SEPTIN11: variants seen among roughly 807,000 people sequenced by gnomAD.
SEPTIN11 encodes the protein septin 11.
SEPTIN11 carries 25 observed loss-of-function variants against 51.4 expected under a neutral mutation model. That is an observed-to-expected ratio of 0.49 (90% CI 0.35 to 0.68). The LOEUF (loss-of-function observed/expected upper bound fraction) is 0.68. SEPTIN11 is among the 30% of genes least tolerant of loss of function. SEPTIN11 has a pLI of 0.00. For synonymous variants in SEPTIN11, 174 were observed against 184.1 expected, an observed-to-expected ratio of 0.95 and a Z score of 0.44; for missense variants, 381 against 520.8, an observed-to-expected ratio of 0.73 and a Z score of 2.61.
chr4:76,954,651 C>T (rs1656675965), intron 1 of SEPTIN11, among the ~76,000 whole-genome samples: 2 of 152,218 alleles, frequency 1.3e-5, no homozygotes, highest in African/African-American at 2.4e-5. Context: ...ATGAAATTCA[C>T]ATTGTTCCAG....
At chr4:77,022,610 G>C (rs1298412292) in intron 7 of SEPTIN11, among the ~76,000 whole-genome samples, 1 of 152,180 alleles carries the variant, frequency 6.6e-6, no homozygotes, top group African/African-American at 2.4e-5. Context: ...TGGGGGGCCA[G>C]ATTTGGTCCT....
At chr4:76,995,968 A>T in intron 1 of SEPTIN11, 1 of 1,530,680 alleles carries the variant, frequency 6.5e-7, no homozygotes, top group African/African-American at 1.4e-5. Context: ...CATTGTAAGG[A>T]GTATGAATCC....
chr4:77,039,076 C>A (rs1343512668), downstream of SEPTIN11: 1 of 1,288,884 alleles, frequency 7.8e-7, no homozygotes, highest in East Asian at 5.6e-5. Flanking sequence ...TCTGTAGCTT[C>A]TTCTTTATGT....
chr4:77,023,498 C>T (rs1360399357), intron 7 of SEPTIN11, among the ~76,000 whole-genome samples: 3 of 151,818 alleles, frequency 2.0e-5, no homozygotes, highest in Non-Finnish European at 2.9e-5. Flanking sequence ...TCCAACATCT[C>T]GATAACTGGA....
rs191849229 is a variant in SEPTIN11 at position 77,005,299 on chromosome 4, A to G, written c.143-302A>G. Among the ~76,000 whole-genome samples the G allele has an allele frequency of 3.9e-5, 6 of 152,374 alleles. No individual in the cohort carries two copies. In the East Asian group the frequency reaches 1.2e-3, roughly 29 times the overall value. ...AAGTTCATGTTCTTGTTCTTGTAATATACAAACTGAGCACAGGCAATCTTA... is the reference window on the plus strand; with the variant it reads ...AAGTTCATGTTCTTGTTCTTGTAATGTACAAACTGAGCACAGGCAATCTTA... On this transcript the variant is annotated intron_variant, in intron 2 of 9. Transcript: ENST00000264893.
intron 3 of SEPTIN11, 36 bp downstream of exon 3, chr4:77,005,832 G>A (rs1724444265): frequency 7.6e-6 from 12 of 1,577,036 alleles, no homozygotes; most frequent in African/African-American, 1.4e-5. Context: ...ATGAATGGAT[G>A]AGGAGATAGC....
chr4:77,020,425 T>A, intron 6 of SEPTIN11, 77 bp from the exon 7 acceptor site: 1 of 1,533,988 alleles, frequency 6.5e-7, no homozygotes, highest in Non-Finnish European at 8.9e-7. Flanking sequence ...GGTAATAACA[T>A]CTTGGAAGCA....
intron 1 of SEPTIN11, among the ~76,000 whole-genome samples, chr4:76,963,676 A>G (rs1377674084): frequency 6.6e-6 from 1 of 152,228 alleles, no homozygotes; most frequent in Non-Finnish European, 1.5e-5. Flanking sequence ...GTTTAATTTT[A>G]ATTAATTTAC....
intron 7 of SEPTIN11, among the ~76,000 whole-genome samples, chr4:77,026,754 G>A (rs1726175244): frequency 6.6e-6 from 1 of 152,184 alleles, no homozygotes; most frequent in Non-Finnish European, 1.5e-5. Flanking sequence ...TGAGTTTTCT[G>A]TAAAATTTCA....
At chr4:76,972,521 A>G (rs904042) in intron 1 of SEPTIN11, 131,714 of 152,136 alleles carry the variant, frequency 0.87, 57,257 homozygotes, top group East Asian at 0.94. Context: ...AAGGAAGAGC[A>G]CTCAGGAATC....
intron 2 of SEPTIN11, 78 bp downstream of exon 2, chr4:76,996,617 G>A: frequency 9.7e-7 from 1 of 1,028,512 alleles, no homozygotes; most frequent in Non-Finnish European, 1.5e-6. Context: ...ACATGCTTCA[G>A]TGAAATAAGA....
chr4:76,961,226 C>T (rs1055608995), intron 1 of SEPTIN11, among the ~76,000 whole-genome samples: 4 of 152,122 alleles, frequency 2.6e-5, no homozygotes, highest in African/African-American at 7.2e-5. Flanking sequence ...TAATGTAATT[C>T]GAGGACCCTT....
At chr4:76,966,715 T>C (rs1722050046) in intron 1 of SEPTIN11, among the ~76,000 whole-genome samples, 1 of 150,990 alleles carries the variant, frequency 6.6e-6, no homozygotes, top group Non-Finnish European at 1.5e-5. Context: ...ATACAAGAAT[T>C]AGCTGGGAGG....
chr4:77,005,384 C>T (rs1306731053), intron 2 of SEPTIN11, among the ~76,000 whole-genome samples: 1 of 152,194 alleles, frequency 6.6e-6, no homozygotes, highest in Non-Finnish European at 1.5e-5. Context: ...AATTTGAAAT[C>T]TCTCTGCTAA....
intron 5 of SEPTIN11, among the ~76,000 whole-genome samples, chr4:77,016,655 T>TATAC (rs1553975019): frequency 7.3e-5 from 8 of 109,040 alleles, no homozygotes; most frequent in East Asian, 4.8e-4. Context: ...TATATATATA[T>TATAC]ACACATATAT....
chr4:76,959,165 C>T (rs1578116820), intron 1 of SEPTIN11: 1 of 480,632 alleles, frequency 2.1e-6, no homozygotes, highest in African/African-American at 2.0e-5. Flanking sequence ...GATCGTTTTA[C>T]CATTCTTGGC....
At chr4:77,023,347 AATATATG>A (rs551426886) in intron 7 of SEPTIN11, among the ~76,000 whole-genome samples, 267 of 147,512 alleles carry the variant, frequency 1.8e-3, no homozygotes, top group Non-Finnish European at 3.0e-3. Flanking sequence ...ATATATTACT[AATATATG>A]ATATAATTAT....
At position 77,015,024 on chromosome 4, in the gene SEPTIN11, C is replaced by T. The variant is rs776192441; in HGVS notation, c.687+7C>T. On this transcript the variant is annotated splice_region_variant and intron_variant, in intron 5 of 9. Coordinates refer to ENST00000264893, the MANE Select transcript of SEPTIN11 (RefSeq NM_018243.4). ...GATTAACGCAACAATGAGTGTAAGTCCTCAAGTCAAATGGGAACAAGTGAT... is the reference window on the plus strand; with the variant it reads ...GATTAACGCAACAATGAGTGTAAGTTCTCAAGTCAAATGGGAACAAGTGAT... The T allele has an allele frequency of 6.2e-7, 1 of 1,611,524 alleles. No individual in the cohort carries two copies. The highest frequency in any genetic ancestry group is 8.5e-7 in the Non-Finnish European group (1 of 1,178,754).
chr4:76,958,292 C>T (rs1309975358), intron 1 of SEPTIN11, among the ~76,000 whole-genome samples: 1 of 152,208 alleles, frequency 6.6e-6, no homozygotes, highest in Admixed American at 6.5e-5. Context: ...AAGGAGTTGC[C>T]ATCCCAGGGG....
Sources: gnomAD v4.1 joint callset for allele counts (sites outside exome capture counted in the v4.1 genomes callset) on GRCh38, gnomAD v4.1.1 for gene constraint, MANE v1.5 for transcripts, NCBI Gene and HGNC (gene_info 2026-07-23, HGNC 2026-07-21) for gene names.